Variants in CSMD2 observed in about 807,000 individuals in gnomAD.
CSMD2 encodes CUB and sushi domain-containing protein 2.
In CSMD2, 130 loss-of-function variants were observed where a neutral mutation model predicts 398.5. That is an observed-to-expected ratio of 0.33 (90% CI 0.28 to 0.38). The LOEUF (loss-of-function observed/expected upper bound fraction) is 0.38. CSMD2 is among the 10% of genes least tolerant of loss of function. CSMD2 has a pLI of 1.00. For synonymous variants in CSMD2, 1,828 were observed against 1,908.5 expected (o/e 0.96, Z 1.10); for missense variants, 3,829 against 4,764.9 (o/e 0.80, Z 5.78).
At chr1:33,763,581 G>A (rs1403151041) in intron 13 of CSMD2, among the ~76,000 whole-genome samples, 1 of 152,186 alleles carries the variant, frequency 6.6e-6, no homozygotes, top group Non-Finnish European at 1.5e-5. Flanking sequence ...CACTGGCCTG[G>A]CAGGGAAAGT....
At chr1:34,047,928 GCTTAATTA>G (rs1376877373) in intron 2 of CSMD2, among the ~76,000 whole-genome samples, 1 of 152,224 alleles carries the variant, frequency 6.6e-6, no homozygotes, top group African/African-American at 2.4e-5. Flanking sequence ...TGCCATGACT[GCTTAATTA>G]CCAGTCTCCC....
At chr1:33,567,156 A>G (rs1471499622) in intron 53 of CSMD2, among the ~76,000 whole-genome samples, 8 of 152,056 alleles carry the variant, frequency 5.3e-5, no homozygotes, top group African/African-American at 1.7e-4. Flanking sequence ...TTTTCTATGT[A>G]AAAGGGGAAA....
At chr1:33,586,718 G>A (rs1639103352) in intron 45 of CSMD2, 101 bp from the exon 46 acceptor site, 2 of 734,408 alleles carry the variant, frequency 2.7e-6, no homozygotes, top group East Asian at 5.4e-5. Context: ...GTCATGTTCT[G>A]TTCAGACTTA....
intron 19 of CSMD2, among the ~76,000 whole-genome samples, chr1:33,723,514 G>C (rs1237192741): frequency 6.6e-6 from 1 of 152,206 alleles, no homozygotes; most frequent in Non-Finnish European, 1.5e-5. Context: ...TGAGAAAAGA[G>C]TATTAATATA....
chr1:33,867,374 C>A (rs1558027968), intron 5 of CSMD2, among the ~76,000 whole-genome samples: 1 of 152,218 alleles, frequency 6.6e-6, no homozygotes, highest in Non-Finnish European at 1.5e-5. Context: ...CTTCCCCAGT[C>A]AAGCCAGCAG....
At chr1:34,116,407 T>G (rs1475140174) in intron 1 of CSMD2, among the ~76,000 whole-genome samples, 2 of 151,854 alleles carry the variant, frequency 1.3e-5, no homozygotes, top group Non-Finnish European at 2.9e-5. Flanking sequence ...AAGAAGACAT[T>G]GTATAATGAA....
intron 6 of CSMD2, among the ~76,000 whole-genome samples, chr1:33,826,588 G>A (rs1396677710): frequency 6.6e-6 from 1 of 152,200 alleles, no homozygotes; most frequent in African/African-American, 2.4e-5. Context: ...TGACTCAAGT[G>A]GGTGCCTGAT....
At chr1:33,547,786 C>G (rs1267839373) in intron 56 of CSMD2, among the ~76,000 whole-genome samples, 1 of 152,218 alleles carries the variant, frequency 6.6e-6, no homozygotes, top group Non-Finnish European at 1.5e-5. Flanking sequence ...TGGAAACAAT[C>G]TTGATGGTGA....
At position 34,003,557 on chromosome 1, in the gene CSMD2, C is replaced by A. The variant is rs138512678; in HGVS notation, c.517+29037G>T. Among the ~76,000 whole-genome samples, 585 of 152,284 alleles carry A rather than the reference C, an allele frequency of 3.8e-3. 13 individuals are homozygous for A. Among genetic ancestry groups the A allele is most frequent in the Admixed American group, 0.035 (541 of 15,308 alleles). On this transcript the variant is annotated intron_variant, in intron 3 of 70. Coordinates refer to ENST00000373381, the MANE Select transcript of CSMD2 (RefSeq NM_001281956.2). ...GGTGCCAGGCAATGGGCTAAGCATTCCCATGCATTATCTTCACAGGAGGAT... is the reference window on the plus strand; with the variant it reads ...GGTGCCAGGCAATGGGCTAAGCATTACCATGCATTATCTTCACAGGAGGAT...
intron 62 of CSMD2, among the ~76,000 whole-genome samples, chr1:33,535,853 G>A (rs1289486307): frequency 2.0e-5 from 3 of 152,170 alleles, no homozygotes; most frequent in South Asian, 2.1e-4. Context: ...CATGGAGGCC[G>A]TAGTTCAAAT....
At chr1:34,011,226 G>A (rs1456898121) in intron 3 of CSMD2, among the ~76,000 whole-genome samples, 2 of 152,178 alleles carry the variant, frequency 1.3e-5, no homozygotes, top group Non-Finnish European at 2.9e-5. Context: ...TTCCTGATCA[G>A]ATTACTACAT....
rs139176420 is a variant in CSMD2 at position 33,816,911 on chromosome 1, A to C, written c.1324+2802T>G. Among the ~76,000 whole-genome samples the C allele has an allele frequency of 1.8e-3, 267 of 152,292 alleles. 2 individuals are homozygous for C. Among genetic ancestry groups the C allele is most frequent in the African/African-American group, 6.2e-3 (256 of 41,570 alleles). ...GTGGGAAAATGAGTATTTCTAATCA[A>C]ATCATATTTTAACTGCATTAAAGAA... On this transcript the variant is annotated intron_variant, in intron 9 of 70. Transcript: ENST00000373381.
At chr1:33,993,752 C>G (rs1315073769) in intron 3 of CSMD2, among the ~76,000 whole-genome samples, 1 of 152,084 alleles carries the variant, frequency 6.6e-6, no homozygotes, top group African/African-American at 2.4e-5. Flanking sequence ...CCTTGGAAGT[C>G]CCCCTCCTGG....
At chr1:33,863,373 A>G (rs1383038593) in intron 5 of CSMD2, 6 of 152,202 alleles carry the variant, frequency 3.9e-5, no homozygotes, top group South Asian at 4.1e-4. Context: ...CCCTCACATG[A>G]GAGTGGGGAG....
At chr1:33,873,305 C>A in intron 5 of CSMD2, among the ~76,000 whole-genome samples, 1 of 152,052 alleles carries the variant, frequency 6.6e-6, no homozygotes, top group Admixed American at 6.6e-5. Flanking sequence ...CATTGGAGAG[C>A]CAGAGGGTAG....
chr1:33,684,115 G>A (rs780871491), intron 25 of CSMD2, among the ~76,000 whole-genome samples: 15 of 152,252 alleles, frequency 9.9e-5, no homozygotes, highest in East Asian at 1.9e-4. Context: ...GATCTGAAAC[G>A]ACAGCAAGGG....
intron 15 of CSMD2, among the ~76,000 whole-genome samples, chr1:33,728,980 T>C (rs1343840194): frequency 1.3e-5 from 2 of 151,680 alleles, no homozygotes; most frequent in South Asian, 2.1e-4. Context: ...CCTCCATTTC[T>C]CAGGTGGACA....
At chr1:33,517,225 T>C (rs1368834900) in intron 70 of CSMD2, among the ~76,000 whole-genome samples, 1 of 152,230 alleles carries the variant, frequency 6.6e-6, no homozygotes, top group Non-Finnish European at 1.5e-5. Context: ...GCTTTCTTTA[T>C]GCTCCAGCTG....
intron 16 of CSMD2, among the ~76,000 whole-genome samples, chr1:33,726,269 C>G (rs1421748008): frequency 6.6e-6 from 1 of 152,126 alleles, no homozygotes; most frequent in Non-Finnish European, 1.5e-5. Context: ...GCCCACTCCC[C>G]CTCCTTGGGG....
Sources: gnomAD v4.1 joint callset for allele counts (sites outside exome capture counted in the v4.1 genomes callset) on GRCh38, gnomAD v4.1.1 for gene constraint, MANE v1.5 for transcripts, NCBI Gene and HGNC (gene_info 2026-07-23, HGNC 2026-07-21) for gene names.